Variants in CDH6 observed in about 807,000 individuals in gnomAD.
CDH6 encodes the protein cadherin-6.
CDH6 carries 31 observed loss-of-function variants against 78.0 expected under a neutral mutation model. That is an observed-to-expected ratio of 0.40 (90% CI 0.30 to 0.54). CDH6 has a LOEUF of 0.54. Ranked by LOEUF, CDH6 falls within the 20% of genes least tolerant of loss-of-function variation. CDH6 has a pLI of 0.56. For missense variants in CDH6, 724 were observed against 975.9 expected (o/e 0.74, Z 3.44); for synonymous variants, 376 against 368.8 (o/e 1.02, Z -0.23).
At chr5:31,206,003 G>T (rs568443273) in intron 1 of CDH6, among the ~76,000 whole-genome samples, 76 of 152,252 alleles carry the variant, frequency 5.0e-4, no homozygotes, top group Non-Finnish European at 9.4e-4. Flanking sequence ...TTTGCCCAAG[G>T]TCACATAGTT....
chr5:31,320,889 G>A (rs1192171046), intron 11 of CDH6, among the ~76,000 whole-genome samples: 2 of 151,386 alleles, frequency 1.3e-5, no homozygotes, highest in African/African-American at 4.9e-5. Context: ...TGAGGCAGGA[G>A]AATTGCTTGA....
chr5:31,221,028 CA>C (rs1383868527), intron 1 of CDH6, among the ~76,000 whole-genome samples: 3 of 152,180 alleles, frequency 2.0e-5, no homozygotes, highest in Non-Finnish European at 2.9e-5. Context: ...ACAGGCTGTT[CA>C]GGGGGGAGAC....
Position 31,294,561 on chromosome 5 carries a change from A to T in CDH6, c.523+305A>T, listed in dbSNP as rs74665017. On this transcript the variant is annotated intron_variant, in intron 3 of 11. Transcript: ENST00000265071. The surrounding 1 kb of genome is among the most constrained non-coding windows in gnomAD (Gnocchi z 4.1). ...ATGCCCATTCTCTTTCTTGGGCTGA[A>T]AGCAACCTTCTCCACTTCTCTTAGC... Among the ~76,000 whole-genome samples, 1 of 151,950 alleles carries T rather than the reference A, an allele frequency of 6.6e-6. No homozygotes were observed. The highest frequency in any genetic ancestry group is 1.5e-5 in the Non-Finnish European group (1 of 68,006).
intron 1 of CDH6, among the ~76,000 whole-genome samples, chr5:31,212,674 G>A (rs1017876885): frequency 2.0e-5 from 3 of 152,118 alleles, no homozygotes; most frequent in East Asian, 3.9e-4. Context: ...CCTGTTTGCC[G>A]GCCTGCCCTT....
intron 1 of CDH6, chr5:31,251,655 G>A (rs187878451): frequency 1.3e-5 from 2 of 152,226 alleles, no homozygotes; most frequent in East Asian, 3.9e-4. Context: ...CCATAATCCC[G>A]AGTAGGCTTC....
intron 7 of CDH6, among the ~76,000 whole-genome samples, chr5:31,305,848 T>C (rs1737977715): frequency 6.6e-6 from 1 of 152,234 alleles, no homozygotes; most frequent in African/African-American, 2.4e-5. Flanking sequence ...TATTGTTTGC[T>C]TTTTGTTTTT....
chr5:31,286,235 T>A (rs1304978091), intron 2 of CDH6, among the ~76,000 whole-genome samples: 1 of 152,212 alleles, frequency 6.6e-6, no homozygotes, highest in Non-Finnish European at 1.5e-5. Flanking sequence ...CCTTCCTTTA[T>A]GAACCTGCAA....
rs542238596 is a variant in CDH6 at position 31,327,855 on chromosome 5, C to T, written c.*4547C>T. 400 of 215,206 alleles carry T rather than the reference C, an allele frequency of 1.9e-3. 2 individuals are homozygous for T. Among genetic ancestry groups the T allele is most frequent in the Middle Eastern group, 6.0e-3 (4 of 662 alleles). The allele number at this position is 215,206 out of a possible 1,614,324, so 13.3% of individuals were successfully genotyped here. On this transcript the variant is annotated 3_prime_UTR_variant, in exon 12 of 12. Transcript: ENST00000265071. ...GAAAGAAAATACATTGACTCATACA[C>T]TTGTTAAAAGTTAATAAAGAAATAG...
intron 1 of CDH6, among the ~76,000 whole-genome samples, chr5:31,232,672 C>A (rs540411589): frequency 2.2e-4 from 33 of 152,300 alleles, no homozygotes; most frequent in Non-Finnish European, 4.0e-4. Context: ...CCAATGAAAA[C>A]ATATCAAGTC....
At chr5:31,270,394 ATT>A (rs1341871897) in intron 2 of CDH6, among the ~76,000 whole-genome samples, 29 of 152,244 alleles carry the variant, frequency 1.9e-4, no homozygotes, top group African/African-American at 7.0e-4. Flanking sequence ...GACAAAAAAA[ATT>A]ATTTCACTCT....
At chr5:31,222,988 C>T (rs1260977208) in intron 1 of CDH6, among the ~76,000 whole-genome samples, 1 of 152,138 alleles carries the variant, frequency 6.6e-6, no homozygotes, top group Non-Finnish European at 1.5e-5. Flanking sequence ...CTCTCTCCCG[C>T]ACTTTTCCTC....
Position 31,305,339 on chromosome 5 carries a change from A to C in CDH6, c.1165A>C (p.Ile389Leu). 1.9e-6 allele frequency: 3 copies of C among 1,614,180 alleles called. No individual in the cohort carries two copies. The highest frequency in any genetic ancestry group is 1.7e-6 in the Non-Finnish European group (2 of 1,179,996). ...EPPVFSKLAY[I>L]LQIREDAQIN... ...ACCTGTCTTCAGCAAACTGGCCTAC[A>C]TCTTACAAATAAGAGAAGATGCTCA... is the stretch of plus-strand genomic sequence containing the variant. The change falls in exon 7 of 12, where the codon ATC becomes CTC. Residue 389 changes from isoleucine to leucine, a missense_variant. By Grantham distance (5) the Ile-to-Leu change is conservative (BLOSUM62 2). Around this residue, in one of 3 missense-constraint regions of CDH6, gnomAD observed 446 missense variants for 684.5 expected, o/e 0.65. Transcript: ENST00000265071.
intron 3 of CDH6, 129 bp from the exon 4 acceptor site, chr5:31,297,160 C>T: frequency 1.3e-6 from 1 of 755,570 alleles, no homozygotes; most frequent in Admixed American, 2.3e-5. Flanking sequence ...CACCCAGCAT[C>T]CTACCAAAGT....
intron 1 of CDH6, among the ~76,000 whole-genome samples, chr5:31,214,077 G>A (rs75707951): frequency 0.011 from 1,640 of 150,402 alleles, 38 homozygotes; most frequent in African/African-American, 0.038. Flanking sequence ...GTGTTGAAAC[G>A]GCAATGATTT....
At chr5:31,302,005 C>T in intron 5 of CDH6, 106 bp from the exon 6 acceptor site, 1 of 643,902 alleles carries the variant, frequency 1.6e-6, no homozygotes, top group Non-Finnish European at 2.6e-6. Flanking sequence ...CACACATCTA[C>T]CTGATGGTAA....
chr5:31,263,334 C>T (rs1561048119), intron 1 of CDH6, among the ~76,000 whole-genome samples: 1 of 150,890 alleles, frequency 6.6e-6, no homozygotes, highest in East Asian at 1.9e-4. Flanking sequence ...TCTCTGCTCA[C>T]TGCAACCTCC....
At chr5:31,199,945 A>T (rs1403797041) in intron 1 of CDH6, among the ~76,000 whole-genome samples, 1 of 151,868 alleles carries the variant, frequency 6.6e-6, no homozygotes, top group Non-Finnish European at 1.5e-5. Flanking sequence ...TTTCCAGGGA[A>T]TCTCTGTTTG....
intron 1 of CDH6, among the ~76,000 whole-genome samples, chr5:31,222,755 A>C (rs1043564599): frequency 1.3e-5 from 2 of 152,200 alleles, no homozygotes; most frequent in African/African-American, 2.4e-5. Flanking sequence ...TTTATAACCT[A>C]AATCAAAGTC....
At chr5:31,236,871 A>G (rs1252972575) in intron 1 of CDH6, among the ~76,000 whole-genome samples, 1 of 152,084 alleles carries the variant, frequency 6.6e-6, no homozygotes, top group African/African-American at 2.4e-5. Flanking sequence ...CTTTCATCAC[A>G]ATTACTGCCT....
Sources: gnomAD v4.1 joint callset for allele counts (sites outside exome capture counted in the v4.1 genomes callset) on GRCh38, gnomAD v4.1.1 for gene constraint, gnomAD v4.1.1 regional missense constraint, Gnocchi (gnomAD v3.1) non-coding constraint, MANE v1.5 for transcripts, NCBI Gene and HGNC (gene_info 2026-07-23, HGNC 2026-07-21) for gene names.